PAFAH1B1: variants seen among roughly 807,000 people sequenced by gnomAD.
The protein encoded by PAFAH1B1 is platelet-activating factor acetylhydrolase IB subunit beta.
PAFAH1B1 carries 2 observed loss-of-function variants against 57.5 expected under a neutral mutation model. The ratio of observed to expected loss-of-function variants is 0.03; its 90% CI spans 0.01 to 0.11. The LOEUF (loss-of-function observed/expected upper bound fraction) is 0.11, where lower values mean the gene tolerates loss of function less well. Among genes scored for constraint, PAFAH1B1 ranks in the 10% least tolerant of loss-of-function variants. The probability of loss-of-function intolerance (pLI) is 1.00; values close to 1 mark genes in which losing one functional copy is unlikely to be tolerated. For synonymous variants in PAFAH1B1, 152 were observed against 169.6 expected (o/e 0.90, Z 0.81); for missense variants, 257 against 512.0 (o/e 0.50, Z 4.81).
At chr17:2,681,256 T>A (rs1597581892) in intron 10 of PAFAH1B1, 1 of 153,094 alleles carries the variant, frequency 6.5e-6, no homozygotes, top group African/African-American at 2.4e-5. Flanking sequence ...AGAAAAAGGA[T>A]TTGAGCCCCA....
intron 2 of PAFAH1B1, chr17:2,641,950 A>G (rs2068700901): frequency 6.6e-6 from 1 of 152,166 alleles, no homozygotes; most frequent in South Asian, 2.1e-4. Context: ...AGTCTTGTAT[A>G]GTTTTGGTTG....
chr17:2,655,077 G>C (rs879435173), intron 2 of PAFAH1B1, among the ~76,000 whole-genome samples: 2 of 151,598 alleles, frequency 1.3e-5, no homozygotes, highest in Non-Finnish European at 2.9e-5. Context: ...TGGGATTACA[G>C]GTGTGAGCCA....
rs779221879 is a variant in PAFAH1B1, at chr17:2,638,313, G to A, written c.25G>A (p.Asp9Asn). MVLSQRQR[D>N]ELNRAIADYL... ...GATGGTGCTGTCCCAGAGACAACGA[G>A]ATGAACTGTAAGTTTCTTTGTTTTG... The change falls in exon 2 of 11, where the codon GAT (aspartate) becomes AAT (asparagine). Residue 9 changes from aspartate to asparagine, a missense_variant. By Grantham distance (23) the Asp-to-Asn change is conservative. Coordinates refer to ENST00000397195, the MANE Select transcript of PAFAH1B1 (RefSeq NM_000430.4). 1 of 1,612,998 alleles carries A rather than the reference G, an allele frequency of 6.2e-7. No homozygotes were observed. The highest frequency in any genetic ancestry group is 8.5e-7 in the Non-Finnish European group (1 of 1,179,568).
intron 4 of PAFAH1B1, 70 bp downstream of exon 4, chr17:2,666,160 C>T (rs2069104637): frequency 3.3e-6 from 4 of 1,229,898 alleles, no homozygotes; most frequent in Non-Finnish European, 3.4e-6. Context: ...TAACATTCTT[C>T]TGCATTAATT....
intron 2 of PAFAH1B1, among the ~76,000 whole-genome samples, chr17:2,658,116 G>A (rs1040330906): frequency 6.6e-6 from 1 of 152,170 alleles, no homozygotes; most frequent in Non-Finnish European, 1.5e-5. Context: ...CTCTGGAAAC[G>A]TAGCTGACCT....
chr17:2,676,461 A>G, intron 8 of PAFAH1B1, 44 bp from the exon 9 acceptor site: 1 of 1,206,056 alleles, frequency 8.3e-7, no homozygotes, highest in Non-Finnish European at 1.2e-6. Context: ...GTCCATACCT[A>G]ACTTCTTGTG....
At chr17:2,659,124 G>A (rs2068978668) in intron 2 of PAFAH1B1, among the ~76,000 whole-genome samples, 1 of 152,082 alleles carries the variant, frequency 6.6e-6, no homozygotes, top group African/African-American at 2.4e-5. Flanking sequence ...AATGGCACGT[G>A]CCTGTAGTCT....
intron 2 of PAFAH1B1, chr17:2,641,765 G>A (rs2068698189): frequency 6.6e-6 from 1 of 152,158 alleles, no homozygotes; most frequent in African/African-American, 2.4e-5. Context: ...CGGGCACTAG[G>A]TATGGGCATT....
chr17:2,644,720 G>C (rs1282134573), intron 2 of PAFAH1B1, among the ~76,000 whole-genome samples: 1 of 152,064 alleles, frequency 6.6e-6, no homozygotes, highest in Non-Finnish European at 1.5e-5. Flanking sequence ...GTATTATTTG[G>C]AGGTATATGT....
intron 1 of PAFAH1B1, among the ~76,000 whole-genome samples, chr17:2,626,674 C>A (rs2151626920): frequency 6.6e-6 from 1 of 150,860 alleles, no homozygotes; most frequent in East Asian, 2.0e-4. Flanking sequence ...ACTGCCTCAG[C>A]CTCCCAAGTA....
At chr17:2,650,672 G>GA (rs796736268) in intron 2 of PAFAH1B1, among the ~76,000 whole-genome samples, 8 of 146,414 alleles carry the variant, frequency 5.5e-5, no homozygotes, top group African/African-American at 2.0e-4. Flanking sequence ...GAAGTTAATT[G>GA]AAAAAATCAA....
At chr17:2,656,736 A>C (rs1041976041) in intron 2 of PAFAH1B1, among the ~76,000 whole-genome samples, 1 of 152,142 alleles carries the variant, frequency 6.6e-6, no homozygotes, top group African/African-American at 2.4e-5. Context: ...TTGACTTACT[A>C]TACAGTGGTC....
chr17:2,679,366 TTAGATGGATGAATGATTGGATGGA>T (rs1343544727), intron 9 of PAFAH1B1, among the ~76,000 whole-genome samples: 4 of 7,762 alleles, frequency 5.2e-4, no homozygotes, highest in Admixed American at 4.0e-3. Flanking sequence ...GGATGGATGA[TTAGATGGATGAATGATTGGATGGA>T]TGGATGGATG....
chr17:2,631,862 A>G (rs986205898), intron 1 of PAFAH1B1, among the ~76,000 whole-genome samples: 4 of 152,172 alleles, frequency 2.6e-5, no homozygotes, highest in Non-Finnish European at 4.4e-5. Flanking sequence ...CCTGTCTGCC[A>G]TGATCCTTTA....
intron 2 of PAFAH1B1, among the ~76,000 whole-genome samples, chr17:2,647,824 G>A (rs1337943494): frequency 1.3e-5 from 2 of 151,740 alleles, no homozygotes; most frequent in Non-Finnish European, 2.9e-5. Flanking sequence ...CTAACACAGT[G>A]AAACTCCGTC....
chr17:2,658,005 A>C (rs2068960826), intron 2 of PAFAH1B1, among the ~76,000 whole-genome samples: 1 of 152,190 alleles, frequency 6.6e-6, no homozygotes, highest in African/African-American at 2.4e-5. Flanking sequence ...ACTTTGCCTT[A>C]TGAGTTTTTG....
intron 1 of PAFAH1B1, among the ~76,000 whole-genome samples, chr17:2,629,374 TATTTA>T (rs1168845420): frequency 6.6e-6 from 1 of 152,074 alleles, no homozygotes; most frequent in Non-Finnish European, 1.5e-5. Flanking sequence ...AGGAACAGGT[TATTTA>T]ATTTCCATGT....
intron 7 of PAFAH1B1, chr17:2,673,647 A>G: frequency 5.3e-6 from 1 of 188,886 alleles, no homozygotes; most frequent in Non-Finnish European, 1.1e-5. Context: ...TCAAAAAAAA[A>G]AAACAAAAAG....
At chr17:2,662,182 A>G (rs959626415) in intron 2 of PAFAH1B1, among the ~76,000 whole-genome samples, 2 of 152,104 alleles carry the variant, frequency 1.3e-5, no homozygotes, top group Non-Finnish European at 2.9e-5. Context: ...TTAAAATCGA[A>G]TGCTGGCATT....
Sources: gnomAD v4.1 joint callset for allele counts (sites outside exome capture counted in the v4.1 genomes callset) on GRCh38, gnomAD v4.1.1 for gene constraint, MANE v1.5 for transcripts, NCBI Gene and HGNC (gene_info 2026-07-23, HGNC 2026-07-21) for gene names.